RAX: variants seen among roughly 807,000 people sequenced by gnomAD.
The protein encoded by RAX is retina and anterior neural fold homeobox, also known as retinal homeobox protein Rx.
Under a neutral mutation model 17.4 loss-of-function variants are expected in RAX, and 11 were observed. The ratio of observed to expected loss-of-function variants is 0.63; its 90% CI spans 0.40 to 1.05. The LOEUF is 1.05. Ranked by LOEUF, RAX falls within the 50% of genes least tolerant of loss-of-function variation. The pLI is 0.00. For missense variants in RAX, 527 were observed against 501.1 expected (o/e 1.05, Z -0.49); for synonymous variants, 276 against 254.7 (o/e 1.08, Z -0.80).
chr18:59,269,165 G>T lies in RAX; in HGVS notation c.880C>A (p.Gln294Lys). Residue 294 changes from glutamine (Q) to lysine (K), a missense_variant, in exon 3 of 3, where the codon CAA becomes AAA. Physicochemically the swap from Gln to Lys is moderately conservative, Grantham distance 53 (BLOSUM62 1). Coordinates refer to ENST00000334889, the MANE Select transcript of RAX (RefSeq NM_013435.3). ...LNSPPLGPGL[Q>K]PLAPPPPSYP... is the part of the protein sequence containing the mutation. ...GAGGGCGGCGGCGGCGCGAGAGGTT[G>T]CAGGCCGGGGCCCAACGGCGGGGAG... is the stretch of plus-strand genomic sequence containing the variant. 2 of 1,568,398 alleles carry T rather than the reference G, an allele frequency of 1.3e-6. No homozygotes were observed. The highest frequency in any genetic ancestry group is 1.7e-6 in the Non-Finnish European group (2 of 1,155,124).
chr18:59,272,523 T>A lies in RAX; in HGVS notation c.381A>T (p.Ser127=), dbSNP rs1430805342. 1.2e-6 allele frequency: 2 copies of A among 1,614,220 alleles called. No individual in the cohort carries two copies. The highest frequency in any genetic ancestry group is 3.3e-5 in the Admixed American group (2 of 60,028). The change falls in exon 2 of 3, where the codon TCA becomes TCT. Residue 127 remains serine (S), a synonymous_variant. Transcript: ENST00000334889. ...VGPATGEAKL[S]EEEQPKKKHR... is the part of the protein sequence containing the mutation. ...GCTTTTTCTTGGGCTGTTCCTCCTC[T>A]GACAGTTTCGCTTCGCCGGTGGCTG...
At position 59,268,803 on chromosome 18, in the gene RAX, A is replaced by T; in HGVS notation, c.*201T>A. ...CCGCGAAGTGCGTTGAGGCGGCCAGAGGGCCTCTCCTCAGGCCTGAAAGTC... is the reference window on the plus strand; with the variant it reads ...CCGCGAAGTGCGTTGAGGCGGCCAGTGGGCCTCTCCTCAGGCCTGAAAGTC... On this transcript the variant is annotated 3_prime_UTR_variant, in exon 3 of 3. Transcript: ENST00000334889. This position sits in a 1 kb window ranked among gnomAD's most constrained non-coding sequence, Gnocchi z 4.4. 1 of 852,682 alleles carries T rather than the reference A, an allele frequency of 1.2e-6. No homozygotes were observed. Among genetic ancestry groups the T allele is most frequent in the Non-Finnish European group, 1.8e-6 (1 of 567,126 alleles). 52.8% of individuals were successfully genotyped at this position (852,682 alleles called of 1,614,324 possible). A position where few individuals can be genotyped will look rare whatever the true frequency, so the allele number is the denominator to read the frequency against.
At chr18:59,269,968 T>G (rs9959190) in intron 2 of RAX, among the ~76,000 whole-genome samples, 46,478 of 152,106 alleles carry the variant, frequency 0.31, 7,613 homozygotes, top group African/African-American at 0.4. Context: ...TCTGTGACCT[T>G]CTGGTTGGCA....
chr18:59,270,040 T>A (rs1005615718), intron 2 of RAX, among the ~76,000 whole-genome samples: 1 of 152,186 alleles, frequency 6.6e-6, no homozygotes, highest in African/African-American at 2.4e-5. Flanking sequence ...GTTGCTGTAT[T>A]TTGGTCTCAG....
At position 59,269,352 on chromosome 18, in the gene RAX, A is replaced by C. The variant is rs902677456; in HGVS notation, c.693T>G (p.Gly231=). The change falls in exon 3 of 3, where the codon GGT becomes GGG. Residue 231 remains glycine, a synonymous_variant. Coordinates refer to ENST00000334889, the MANE Select transcript of RAX (RefSeq NM_013435.3). The part of the protein sequence containing the change: ...LSPLGAGPGS[G]GGPAGGALPL... ...GCAGCGCGCCCCCAGCCGGCCCGCC[A>C]CCGCTGCCCGGGCCCGCCCCGAGGG... is the stretch of plus-strand genomic sequence containing the variant. 2 of 1,374,302 alleles carry C rather than the reference A, an allele frequency of 1.5e-6. No individual in the cohort carries two copies. The highest frequency in any genetic ancestry group is 3.0e-5 in the African/African-American group (2 of 66,632). The allele number at this position is 1,374,302 out of a possible 1,614,324, so 85.1% of individuals were successfully genotyped here.
Position 59,272,473 on chromosome 18 carries a change from G to A in RAX, c.431C>T (p.Thr144Ile). ...CTCCAGCTCATGCAGCTGGTACGTG[G>A]TGAAAGTCGTGCGGTTCCGCCGATG... ...KKHRRNRTTF[T>I]TYQLHELERA... is the part of the protein sequence containing the mutation. Residue 144 changes from threonine to isoleucine, a missense_variant, in exon 2 of 3, where the codon ACC (threonine) becomes ATC (isoleucine). Coordinates refer to ENST00000334889, the MANE Select transcript of RAX (RefSeq NM_013435.3). 4 of 1,614,254 alleles carry A rather than the reference G, an allele frequency of 2.5e-6. No homozygotes were observed. The highest frequency in any genetic ancestry group is 3.4e-6 in the Non-Finnish European group (4 of 1,180,050).
chr18:59,269,392 G>A lies in RAX; in HGVS notation c.653C>T (p.Ser218Phe), dbSNP rs2070315027. The A allele has an allele frequency of 2.6e-6, 4 of 1,515,378 alleles. No homozygotes were observed. The highest frequency in any genetic ancestry group is 4.0e-5 in the Admixed American group (2 of 49,514). 93.9% of individuals were successfully genotyped at this position (1,515,378 alleles called of 1,614,324 possible). A position where few individuals can be genotyped will look rare whatever the true frequency, so the allele number is the denominator to read the frequency against. The change falls in exon 3 of 3, where the codon TCC (serine) becomes TTC (phenylalanine). Residue 218 changes from serine (S) to phenylalanine (F), a missense_variant. Coordinates refer to ENST00000334889, the MANE Select transcript of RAX (RefSeq NM_013435.3). The stretch of plus-strand genomic sequence containing the variant: ...CGCCCCGAGGGGCGACAGCGTCGCG[G>A]AGGGCGGGGAGCGGCTGAAGGAGAG... Reference protein sequence around the residue: ...PLLSFSRSPPSATLSPLGAGP... With the variant: ...PLLSFSRSPPFATLSPLGAGP...
In RAX at chr18:59,273,139, C is replaced by T; in HGVS notation, c.68G>A (p.Arg23His). The T allele has an allele frequency of 6.5e-7, 1 of 1,534,764 alleles. No individual in the cohort carries two copies. Among genetic ancestry groups the T allele is most frequent in the Non-Finnish European group, 8.7e-7 (1 of 1,146,260 alleles). ...GSFSLAGHLLRSPGGSTSRLH... is the reference protein window; with the variant it reads ...GSFSLAGHLLHSPGGSTSRLH... The stretch of plus-strand genomic sequence containing the variant: ...TCGCGAGGTGCTCCCGCCCGGGCTG[C>T]GGAGCAGGTGGCCGGCAAGCGAGAA... The change falls in exon 1 of 3, where the codon CGC (arginine) becomes CAC (histidine). Residue 23 changes from arginine to histidine, a missense_variant. Transcript: ENST00000334889.
At position 59,269,096 on chromosome 18, in the gene RAX, C is replaced by A; in HGVS notation, c.949G>T (p.Glu317Ter). The change falls in exon 3 of 3, where the codon GAG (glutamate) becomes TAG (stop). Residue 317 changes from glutamate (E) to a stop codon, truncating the protein, a stop_gained. Transcript: ENST00000334889. LOFTEE classifies it high-confidence loss of function. ...PGFGDKFPLD[E>*]ADPRNSSIAA... ...ATGCTGCTGTTGCGCGGGTCCGCCT[C>A]GTCCAGCGGGAACTTGTCCCCGAAG... The A allele has an allele frequency of 6.2e-7, 1 of 1,611,702 alleles. No individual in the cohort carries two copies. The highest frequency in any genetic ancestry group is 8.5e-7 in the Non-Finnish European group (1 of 1,179,260).
In RAX at chr18:59,269,237, G is replaced by A; in HGVS notation, c.808C>T (p.Leu270=). The A allele has an allele frequency of 6.6e-7, 1 of 1,510,760 alleles. No homozygotes were observed. The highest frequency in any genetic ancestry group is 8.8e-7 in the Non-Finnish European group (1 of 1,136,598). The allele number at this position is 1,510,760 out of a possible 1,614,324, so 93.6% of individuals were successfully genotyped here. Residue 270 remains leucine, a synonymous_variant, in exon 3 of 3, where the codon CTG becomes TTG. Transcript: ENST00000334889. The part of the protein sequence containing the change: ...LPGFGPPAQS[L]PASYTPPPPP... ...GGCGGTGGCGTGTAGCTGGCAGGCAGGCTCTGCGCCGGCGGCCCGAAGCCC... is the reference window on the plus strand; with the variant it reads ...GGCGGTGGCGTGTAGCTGGCAGGCAAGCTCTGCGCCGGCGGCCCGAAGCCC...
Position 59,269,211 on chromosome 18 carries a change from C to A in RAX, c.834G>T (p.Pro278=). ...QSLPASYTPP[P]PPPPFLNSPP... ...GGGAGTTCAGGAAGGGCGGAGGCGG[C>A]GGCGGTGGCGTGTAGCTGGCAGGCA... Residue 278 remains proline (P), a synonymous_variant, in exon 3 of 3, where the codon CCG becomes CCT. Coordinates refer to ENST00000334889, the MANE Select transcript of RAX (RefSeq NM_013435.3). The A allele has an allele frequency of 1.3e-6, 2 of 1,529,870 alleles. No individual in the cohort carries two copies. Among genetic ancestry groups the A allele is most frequent in the South Asian group, 2.4e-5 (2 of 83,202 alleles). The allele number at this position is 1,529,870 out of a possible 1,614,324, so 94.8% of individuals were successfully genotyped here.
In RAX at chr18:59,268,071, A is replaced by C. The variant is rs1373053021; in HGVS notation, c.*933T>G. 1 of 152,318 alleles carries C rather than the reference A, an allele frequency of 6.6e-6. No homozygotes were observed. Among genetic ancestry groups the C allele is most frequent in the African/African-American group, 2.4e-5 (1 of 41,428 alleles). The allele number at this position is 152,318 out of a possible 1,614,324, so 9.4% of individuals were successfully genotyped here. On this transcript the variant is annotated 3_prime_UTR_variant, in exon 3 of 3. Coordinates refer to ENST00000334889, the MANE Select transcript of RAX (RefSeq NM_013435.3). The surrounding 1 kb of genome is among the most constrained non-coding windows in gnomAD (Gnocchi z 4.4). ...TCAACCTTGGGTGTTAGGGACTGGC[A>C]CCGAACCGGAGATCTGCTTGGTGAA...
Position 59,273,340 on chromosome 18 carries a change from G to C in RAX, c.-134C>G, listed in dbSNP as rs936814750. On this transcript the variant is annotated 5_prime_UTR_variant, in exon 1 of 3. Transcript: ENST00000334889. ...AGCTCCGCGGGCGAAGCCCGCCCGG[G>C]CTGCGCACGCTGGGGGTGGCCGAGC... 1 of 972,756 alleles carries C rather than the reference G, an allele frequency of 1.0e-6. No homozygotes were observed. Among genetic ancestry groups the C allele is most frequent in the Non-Finnish European group, 1.4e-6 (1 of 694,314 alleles). 60.3% of individuals were successfully genotyped at this position (972,756 alleles called of 1,614,324 possible).
intron 2 of RAX, among the ~76,000 whole-genome samples, chr18:59,270,332 C>T (rs1013238127): frequency 4.7e-4 from 71 of 152,290 alleles, no homozygotes; most frequent in African/African-American, 1.2e-3. Flanking sequence ...TCTACTTTTA[C>T]ATTACAAAGT....
chr18:59,269,534 C>T (rs774442798), intron 2 of RAX, 33 bp from the exon 3 acceptor site: 1 of 1,592,218 alleles, frequency 6.3e-7, no homozygotes, highest in Non-Finnish European at 8.5e-7. Flanking sequence ...CGTCGGGCAG[C>T]AGCGGAGGCT....
chr18:59,269,184 C>G lies in RAX; in HGVS notation c.861G>C (p.Pro287=), dbSNP rs1176393876. 1.9e-6 allele frequency: 3 copies of G among 1,551,446 alleles called. No individual in the cohort carries two copies. The East Asian group carries it at 7.1e-5, about 37-fold the overall frequency. The change falls in exon 3 of 3, where the codon CCG becomes CCC. Residue 287 remains proline (P), a synonymous_variant. Transcript: ENST00000334889. ...GAGGTTGCAGGCCGGGGCCCAACGG[C>G]GGGGAGTTCAGGAAGGGCGGAGGCG... is the stretch of plus-strand genomic sequence containing the variant. The part of the protein sequence containing the change: ...PPPPPPFLNS[P]PLGPGLQPLA...
Position 59,273,000 on chromosome 18 carries a change from C to G in RAX, c.207G>C (p.Ala69=). The part of the protein sequence containing the change: ...GAKERDRRLG[A]RPACPKAPEE... Reference sequence around the variant, plus strand: ...CGGGCGCCTTGGGGCAGGCGGGCCGCGCGCCCAGCCTCCTATCCCGCTCCT... The same window carrying G: ...CGGGCGCCTTGGGGCAGGCGGGCCGGGCGCCCAGCCTCCTATCCCGCTCCT... The change falls in exon 1 of 3, where the codon GCG becomes GCC. Residue 69 remains alanine (A), a synonymous_variant. Coordinates refer to ENST00000334889, the MANE Select transcript of RAX (RefSeq NM_013435.3). 2 of 1,525,354 alleles carry G rather than the reference C, an allele frequency of 1.3e-6. No individual in the cohort carries two copies. Among genetic ancestry groups the G allele is most frequent in the Non-Finnish European group, 8.7e-7 (1 of 1,143,258 alleles). 94.5% of individuals were successfully genotyped at this position (1,525,354 alleles called of 1,614,324 possible). A position where few individuals can be genotyped will look rare whatever the true frequency, so the allele number is the denominator to read the frequency against.
chr18:59,272,794 A>C (rs1479519247), intron 1 of RAX, 124 bp downstream of exon 1: 32 of 1,395,970 alleles, frequency 2.3e-5, no homozygotes, highest in Non-Finnish European at 2.9e-5. Context: ...AGCTCCCGCC[A>C]TAGACGGTCC....
In RAX at chr18:59,273,072, G is replaced by C; in HGVS notation, c.135C>G (p.Asp45Glu). 6.5e-7 allele frequency: 1 copy of C among 1,535,022 alleles called. No homozygotes were observed. Among genetic ancestry groups the C allele is most frequent in the Non-Finnish European group, 8.7e-7 (1 of 1,146,346 alleles). The change falls in exon 1 of 3, where the codon GAC becomes GAG. Residue 45 changes from aspartate to glutamate, a missense_variant. Physicochemically the swap from Asp to Glu is conservative, Grantham distance 45 (BLOSUM62 2). Coordinates refer to ENST00000334889, the MANE Select transcript of RAX (RefSeq NM_013435.3). Reference protein sequence around the residue: ...IEAILGFTKDDGILGTFPAER... With the variant: ...IEAILGFTKDEGILGTFPAER... ...CCGCCGGGAAGGTGCCGAGGATCCC[G>C]TCGTCCTTGGTAAACCCCAGGATGG...
Sources: allele counts gnomAD v4.1 joint callset (sites outside exome capture counted in the v4.1 genomes callset), GRCh38; gene constraint gnomAD v4.1.1; non-coding constraint Gnocchi (gnomAD v3.1); transcripts MANE v1.5; gene names NCBI Gene and HGNC (gene_info 2026-07-23, HGNC 2026-07-21).